Variants in BRIP1 observed in about 807,000 individuals in gnomAD.
The protein encoded by BRIP1 is Fanconi anemia group J protein.
A neutral mutation model predicts 119.7 loss-of-function variants in BRIP1; 88 were observed. The ratio of observed to expected loss-of-function variants is 0.74; its 90% confidence interval spans 0.62 to 0.88. The LOEUF (loss-of-function observed/expected upper bound fraction) is 0.88, where lower values mean the gene tolerates loss of function less well. Ranked by LOEUF, BRIP1 falls within the 40% of genes least tolerant of loss-of-function variation. The probability of loss-of-function intolerance (pLI) is 0.00; values close to 1 mark genes in which losing one functional copy is unlikely to be tolerated. For synonymous variants in BRIP1, 443 were observed against 496.5 expected (o/e 0.89, Z 1.43); for missense variants, 1,259 against 1,455.4 (o/e 0.87, Z 2.20).
At chr17:61,800,345 G>A (rs1405657658) in intron 8 of BRIP1, among the ~76,000 whole-genome samples, 2 of 152,058 alleles carry the variant, frequency 1.3e-5, no homozygotes, top group Non-Finnish European at 2.9e-5. Context: ...AATATATTGG[G>A]GTTTAAAAGA....
In BRIP1 at chr17:61,703,667, T is replaced by A. The variant is rs1304106786; in HGVS notation, c.2493-10155A>T. On this transcript the variant is annotated intron_variant, in intron 17 of 19. Coordinates refer to ENST00000259008, the MANE Select transcript of BRIP1 (RefSeq NM_032043.3). The surrounding 1 kb of genome is among the most constrained non-coding windows in gnomAD (Gnocchi z 5.0). ...TAAGTCCCATTCGTCGATTTTGTTTTTGTTGCAATTGCTTTTGGTGTCTTC... is the reference window on the plus strand; with the variant it reads ...TAAGTCCCATTCGTCGATTTTGTTTATGTTGCAATTGCTTTTGGTGTCTTC... Among the ~76,000 whole-genome samples, 4 of 152,234 alleles carry A rather than the reference T, an allele frequency of 2.6e-5. No individual in the cohort carries two copies. The highest frequency in any genetic ancestry group is 5.9e-5 in the Non-Finnish European group (4 of 68,042).
rs796244236 is a variant in BRIP1, at chr17:61,776,623, T to C, written c.1936-61A>G. 37 of 1,524,682 alleles carry C rather than the reference T, an allele frequency of 2.4e-5. No individual in the cohort carries two copies. The African/African-American group carries it at 4.6e-4, about 19-fold the overall frequency. The allele number at this position is 1,524,682 out of a possible 1,614,324, so 94.4% of individuals were successfully genotyped here. ...TGAAAAAGGCATGGAAATTAGTATT[T>C]ATTTGGAAGTATGTACATAAAAGAT... On this transcript the variant is annotated intron_variant, in intron 13 of 19. Coordinates refer to ENST00000259008, the MANE Select transcript of BRIP1 (RefSeq NM_032043.3). The surrounding 1 kb of genome is among the most constrained non-coding windows in gnomAD (Gnocchi z 5.0).
Position 61,807,612 on chromosome 17 carries a change from C to A in BRIP1, c.918+855G>T, listed in dbSNP as rs2078092880. Among the ~76,000 whole-genome samples the A allele has an allele frequency of 6.6e-6, 1 of 151,772 alleles. No individual in the cohort carries two copies. Among genetic ancestry groups the A allele is most frequent in the South Asian group, 2.1e-4 (1 of 4,756 alleles). ...TATCAATGAAATGAAACTCTGGGGG[C>A]TATAGCTCACAGTTTTTTGTGTAGA... On this transcript the variant is annotated intron_variant, in intron 7 of 19. Coordinates refer to ENST00000259008, the MANE Select transcript of BRIP1 (RefSeq NM_032043.3). This position sits in a 1 kb window ranked among gnomAD's most constrained non-coding sequence, Gnocchi z 4.5.
In BRIP1 at chr17:61,703,399, G is replaced by A. The variant is rs2061646197; in HGVS notation, c.2493-9887C>T. On this transcript the variant is annotated intron_variant, in intron 17 of 19. Transcript: ENST00000259008. The surrounding 1 kb of genome is among the most constrained non-coding windows in gnomAD (Gnocchi z 5.0). ...TGATTTGCATTTCTCTAATGATAGT[G>A]TGTTGAACATTTTTTCATATGCTTC... is the stretch of plus-strand genomic sequence containing the variant. Among the ~76,000 whole-genome samples, 1 of 152,150 alleles carries A rather than the reference G, an allele frequency of 6.6e-6. No individual in the cohort carries two copies. The highest frequency in any genetic ancestry group is 2.4e-5 in the African/African-American group (1 of 41,422).
intron 4 of BRIP1, among the ~76,000 whole-genome samples, chr17:61,854,221 T>C (rs1043146322): frequency 6.6e-6 from 1 of 152,028 alleles, no homozygotes; most frequent in Non-Finnish European, 1.5e-5. Flanking sequence ...ATGAGCCAAG[T>C]GAGCCAAGAT....
chr17:61,707,152 A>T (rs1455795468), intron 17 of BRIP1, among the ~76,000 whole-genome samples: 1 of 151,898 alleles, frequency 6.6e-6, no homozygotes, highest in Non-Finnish European at 1.5e-5. Context: ...TAGTTTATTG[A>T]TAGTTTGGCT....
At chr17:61,685,575 A>G in intron 19 of BRIP1, 1 of 506,472 alleles carries the variant, frequency 2.0e-6, no homozygotes, top group Non-Finnish European at 3.5e-6. Context: ...TTACGACTCA[A>G]AAAGGACAAA....
At position 61,780,913 on chromosome 17, in the gene BRIP1, G is replaced by A. The variant is rs377302300; in HGVS notation, c.1721C>T (p.Pro574Leu). The part of the protein sequence containing the change: ...ISDKNGLLVL[P>L]KNKKRSRQKT... The stretch of plus-strand genomic sequence containing the variant: ...CTGTCGTGAACGTTTCTTATTTTTT[G>A]GTAGAACCAACAACCCATTTTTGTC... Residue 574 changes from proline (P) to leucine (L), a missense_variant, in exon 12 of 20, where the codon CCA (proline) becomes CTA (leucine). Transcript: ENST00000259008. The surrounding 1 kb of genome is among the most constrained non-coding windows in gnomAD (Gnocchi z 5.4). 1.1e-5 allele frequency: 17 copies of A among 1,613,920 alleles called. No individual in the cohort carries two copies. The African/African-American group carries it at 2.0e-4, about 19-fold the overall frequency.
intron 5 of BRIP1, 97 bp from the exon 6 acceptor site, chr17:61,847,317 T>C: frequency 7.4e-7 from 1 of 1,357,696 alleles, no homozygotes; most frequent in Non-Finnish European, 1.0e-6. Context: ...ATTTTTTTCC[T>C]GCATCCAAAA....
chr17:61,824,951 G>A lies in BRIP1; in HGVS notation c.628-16194C>T, dbSNP rs1018152991. 3.3e-5 allele frequency among the ~76,000 whole-genome samples: 5 copies of A among 152,120 alleles called. No individual in the cohort carries two copies. Among genetic ancestry groups the A allele is most frequent in the African/African-American group, 1.2e-4 (5 of 41,444 alleles). On this transcript the variant is annotated intron_variant, in intron 6 of 19. Transcript: ENST00000259008. The surrounding 1 kb of genome is among the most constrained non-coding windows in gnomAD (Gnocchi z 4.3). ...GGACAAAGGCAACATCATACTGAAT[G>A]AGCAAAAGCTAGAAGCATTTCCCCT...
Position 61,744,561 on chromosome 17 carries a change from A to C in BRIP1, c.2128T>G (p.Ser710Ala), listed in dbSNP as rs1555591505. The change falls in exon 15 of 20, where the codon TCT (serine) becomes GCT (alanine). Residue 710 changes from serine (S) to alanine (A), a missense_variant. Ser to Ala is a moderately conservative substitution (Grantham distance 99). Transcript: ENST00000259008. The surrounding 1 kb of genome is among the most constrained non-coding windows in gnomAD (Gnocchi z 5.0). ...TCCAGATTATGCCATAAACCAGTAGAGAGCCAACGTTCTTTTAATTTTTCT... is the reference window on the plus strand; with the variant it reads ...TCCAGATTATGCCATAAACCAGTAGCGAGCCAACGTTCTTTTAATTTTTCT... ...LLEKLKERWL[S>A]TGLWHNLELV... 1 of 1,613,818 alleles carries C rather than the reference A, an allele frequency of 6.2e-7. No individual in the cohort carries two copies. Among genetic ancestry groups the C allele is most frequent in the Non-Finnish European group, 8.5e-7 (1 of 1,179,786 alleles).
At position 61,851,551 on chromosome 17, in the gene BRIP1, T is replaced by G. The variant is rs754490062; in HGVS notation, c.380-2295A>C. On this transcript the variant is annotated intron_variant, in intron 4 of 19. Coordinates refer to ENST00000259008, the MANE Select transcript of BRIP1 (RefSeq NM_032043.3). The surrounding 1 kb of genome is among the most constrained non-coding windows in gnomAD (Gnocchi z 4.6). The stretch of plus-strand genomic sequence containing the variant: ...CCCCTACAAGCTGTAGGGGCACTTC[T>G]ATAAAAATATCAAGTTTCTGGATAC... Among the ~76,000 whole-genome samples the G allele has an allele frequency of 2.3e-4, 35 of 152,276 alleles. No homozygotes were observed. Among genetic ancestry groups the G allele is most frequent in the Non-Finnish European group, 4.0e-4 (27 of 68,004 alleles).
chr17:61,681,653 A>G lies in BRIP1; in HGVS notation c.*1643T>C. 5.0e-6 allele frequency: 1 copy of G among 199,284 alleles called. No homozygotes were observed. 12.3% of individuals were successfully genotyped at this position (199,284 alleles called of 1,614,324 possible). A position where few individuals can be genotyped will look rare whatever the true frequency, so the allele number is the denominator to read the frequency against. ...ATCGAGTATTTGGTATTTACTGCTC[A>G]ATGATCAACTAGAAAAAATATATAA... On this transcript the variant is annotated 3_prime_UTR_variant, in exon 20 of 20. Transcript: ENST00000259008. This position sits in a 1 kb window ranked among gnomAD's most constrained non-coding sequence, Gnocchi z 5.1.
chr17:61,748,402 ACAAATGTAGATT>A lies in BRIP1; in HGVS notation c.2098-3823_2098-3812del. On this transcript the variant is annotated intron_variant, in intron 14 of 19. Coordinates refer to ENST00000259008, the MANE Select transcript of BRIP1 (RefSeq NM_032043.3). This position sits in a 1 kb window ranked among gnomAD's most constrained non-coding sequence, Gnocchi z 4.7. ...GGGACCATTGATTTTAAAGACTAAT[ACAAATGTAGATT>A]CAATGTAACTCCTATCAAAATCCCA... 6.6e-6 allele frequency among the ~76,000 whole-genome samples: 1 copy of A among 152,334 alleles called. No homozygotes were observed. Among genetic ancestry groups the A allele is most frequent in the Admixed American group, 6.5e-5 (1 of 15,300 alleles).
chr17:61,816,230 A>G lies in BRIP1; in HGVS notation c.628-7473T>C, dbSNP rs2078234429. The stretch of plus-strand genomic sequence containing the variant: ...TCAATCAGCAGGTAGGGGATCAGAT[A>G]CAGTGTCAGGTGAGAGTGTGTAATA... On this transcript the variant is annotated intron_variant, in intron 6 of 19. Coordinates refer to ENST00000259008, the MANE Select transcript of BRIP1 (RefSeq NM_032043.3). This position sits in a 1 kb window ranked among gnomAD's most constrained non-coding sequence, Gnocchi z 5.0. Among the ~76,000 whole-genome samples, 1 of 152,216 alleles carries G rather than the reference A, an allele frequency of 6.6e-6. No individual in the cohort carries two copies. Among genetic ancestry groups the G allele is most frequent in the South Asian group, 2.1e-4 (1 of 4,832 alleles).
Position 61,803,133 on chromosome 17 carries a change from C to T in BRIP1, c.919-1659G>A, listed in dbSNP as rs1409943481. Among the ~76,000 whole-genome samples the T allele has an allele frequency of 1.3e-5, 2 of 149,924 alleles. No homozygotes were observed. Among genetic ancestry groups the T allele is most frequent in the Non-Finnish European group, 2.9e-5 (2 of 67,832 alleles). Reference sequence around the variant, plus strand: ...TTCAGAGATGGGAGTCTCACTCTGTCACCTGGGGTGCAGTGGCACGATCCA... The same window carrying T: ...TTCAGAGATGGGAGTCTCACTCTGTTACCTGGGGTGCAGTGGCACGATCCA... On this transcript the variant is annotated intron_variant, in intron 7 of 19. Transcript: ENST00000259008. This position sits in a 1 kb window ranked among gnomAD's most constrained non-coding sequence, Gnocchi z 4.3.
chr17:61,714,216 T>C (rs1026118647), intron 17 of BRIP1, among the ~76,000 whole-genome samples: 11 of 152,188 alleles, frequency 7.2e-5, no homozygotes, highest in Admixed American at 6.5e-4. Context: ...AAATTTAGTA[T>C]AGCCTAAGTG....
At position 61,857,057 on chromosome 17, in the gene BRIP1, C is replaced by G. The variant is rs1437158047; in HGVS notation, c.379+1G>C. The G allele has an allele frequency of 6.2e-7, 1 of 1,613,646 alleles. No homozygotes were observed. The highest frequency in any genetic ancestry group is 8.5e-7 in the Non-Finnish European group (1 of 1,179,644). On this transcript the variant is annotated splice_donor_variant, in intron 4 of 19. Coordinates refer to ENST00000259008, the MANE Select transcript of BRIP1 (RefSeq NM_032043.3). LOFTEE classifies it high-confidence loss of function. The surrounding 1 kb of genome is among the most constrained non-coding windows in gnomAD (Gnocchi z 5.1). ...ACTGACCCAGGCAAAATATAAATTA[C>G]CTTGACAAGTTGATGAAGTGCCATT... is the stretch of plus-strand genomic sequence containing the variant.
At chr17:61,812,842 C>T (rs1010388484) in intron 6 of BRIP1, among the ~76,000 whole-genome samples, 2 of 152,068 alleles carry the variant, frequency 1.3e-5, no homozygotes, top group Admixed American at 1.3e-4. Context: ...AAGATTTGAT[C>T]TTGAAAGAAA....
Sources: allele counts gnomAD v4.1 joint callset (sites outside exome capture counted in the v4.1 genomes callset), GRCh38; gene constraint gnomAD v4.1.1; non-coding constraint Gnocchi (gnomAD v3.1); transcripts MANE v1.5; gene names NCBI Gene and HGNC (gene_info 2026-07-23, HGNC 2026-07-21).